TRAF7: variants seen among roughly 807,000 people sequenced by gnomAD.
TRAF7 encodes the protein E3 ubiquitin-protein ligase TRAF7.
Under a neutral mutation model 89.3 loss-of-function variants are expected in TRAF7, and 45 were observed. That is an observed-to-expected ratio of 0.50 (90% CI 0.40 to 0.65). The LOEUF (loss-of-function observed/expected upper bound fraction) is 0.65, where lower values mean the gene tolerates loss of function less well. TRAF7 is among the 30% of genes least tolerant of loss of function. The pLI is 0.00. For synonymous variants in TRAF7, 406 were observed against 369.2 expected, an observed-to-expected ratio of 1.10 and a Z score of -1.14; for missense variants, 677 against 918.1, an observed-to-expected ratio of 0.74 and a Z score of 3.39.
intron 2 of TRAF7, 138 bp downstream of exon 2, chr16:2,164,139 G>GGTGTGTGTGTGTGTGTCT: frequency 1.8e-6 from 1 of 542,298 alleles, no homozygotes; most frequent in Non-Finnish European, 3.2e-6. Context: ...GGGGGGGTGT[G>GGTGTGTGTGTGTGTGTCT]GTGTGTGTGT....
Position 2,172,485 on chromosome 16 carries a change from A to T in TRAF7, c.680A>T (p.Asp227Val). 1 of 1,609,302 alleles carries T rather than the reference A, an allele frequency of 6.2e-7. No individual in the cohort carries two copies. The highest frequency in any genetic ancestry group is 8.5e-7 in the Non-Finnish European group (1 of 1,178,756). The part of the protein sequence containing the change: ...SARKDHEGSC[D>V]YRPVRCPNNP... ...CACAGGGACCACGAGGGCAGCTGTG[A>T]CTACAGGCCTGTGCGGTGTCCCAAC... The change falls in exon 9 of 21, where the codon GAC becomes GTC. Residue 227 changes from aspartate (D) to valine (V), a missense_variant. Physicochemically the swap from Asp to Val is radical, Grantham distance 152. Coordinates refer to ENST00000326181, the MANE Select transcript of TRAF7 (RefSeq NM_032271.3).
At position 2,163,685 on chromosome 16, in the gene TRAF7, C is replaced by A; in HGVS notation, c.-38-198C>A. Reference sequence around the variant, plus strand: ...CGGTGACGCAGAGCCGCCTGCCTGCCCGGGCCTCTGCATACCTGGGATCGG... The same window carrying A: ...CGGTGACGCAGAGCCGCCTGCCTGCACGGGCCTCTGCATACCTGGGATCGG... On this transcript the variant is annotated intron_variant, in intron 1 of 20. Coordinates refer to ENST00000326181, the MANE Select transcript of TRAF7 (RefSeq NM_032271.3). This position sits in a 1 kb window ranked among gnomAD's most constrained non-coding sequence, Gnocchi z 4.3. 1.7e-6 allele frequency: 1 copy of A among 572,032 alleles called. No individual in the cohort carries two copies. Among genetic ancestry groups the A allele is most frequent in the Non-Finnish European group, 3.1e-6 (1 of 318,996 alleles). 35.4% of individuals were successfully genotyped at this position (572,032 alleles called of 1,614,324 possible). A position where few individuals can be genotyped will look rare whatever the true frequency, so the allele number is the denominator to read the frequency against.
At position 2,161,021 on chromosome 16, in the gene TRAF7, C is replaced by A. The variant is rs1057052268; in HGVS notation, c.-38-2862C>A. Reference sequence around the variant, plus strand: ...AGGCCTCGGGCATCTTGCTCAATTCCGAGGTGCGGGGATGGATCCTGCCTT... The same window carrying A: ...AGGCCTCGGGCATCTTGCTCAATTCAGAGGTGCGGGGATGGATCCTGCCTT... On this transcript the variant is annotated intron_variant, in intron 1 of 20. Transcript: ENST00000326181. The surrounding 1 kb of genome is among the most constrained non-coding windows in gnomAD (Gnocchi z 5.2). Among the ~76,000 whole-genome samples, 1 of 152,064 alleles carries A rather than the reference C, an allele frequency of 6.6e-6. No homozygotes were observed. Among genetic ancestry groups the A allele is most frequent in the Non-Finnish European group, 1.5e-5 (1 of 67,974 alleles).
At chr16:2,167,907 G>T (rs1159729526) in intron 3 of TRAF7, among the ~76,000 whole-genome samples, 170 bp from the exon 4 acceptor site, 1 of 152,002 alleles carries the variant, frequency 6.6e-6, no homozygotes, top group East Asian at 1.9e-4. Context: ...ACCTTGAGAG[G>T]GAACCCAAGC....
intron 10 of TRAF7, 23 bp from the exon 11 acceptor site, chr16:2,173,458 C>A (rs1240680406): frequency 2.5e-6 from 4 of 1,612,924 alleles, no homozygotes; most frequent in African/African-American, 1.3e-5. Flanking sequence ...ACCAGTGACA[C>A]CCCCTCTCCT....
chr16:2,165,538 G>C lies in TRAF7; in HGVS notation c.82-341G>C, dbSNP rs1596672011. On this transcript the variant is annotated intron_variant, in intron 2 of 20. Transcript: ENST00000326181. ...AAACGTGTGAGTGCTGCGTGGCCTG[G>C]CCTGGTCGCATGGTTTAGCGTGTTA... Among the ~76,000 whole-genome samples the C allele has an allele frequency of 6.9e-5, 9 of 131,014 alleles. 1 individual carries two copies. The South Asian group carries it at 2.2e-3, about 32-fold the overall frequency. The allele number at this position is 131,014 out of a possible 152,430, so 86.0% of individuals were successfully genotyped here.
In TRAF7 at chr16:2,172,761, G is replaced by C. The variant is rs988475253; in HGVS notation, c.794+162G>C. Among the ~76,000 whole-genome samples, 29 of 152,196 alleles carry C rather than the reference G, an allele frequency of 1.9e-4. 1 individual carries two copies. Among genetic ancestry groups the C allele is most frequent in the Non-Finnish European group, 7.4e-5 (5 of 68,022 alleles). ...GCCCAAGGCCCTGGAAACCCAGAGG[G>C]GGAGCCGAGGGCGTCCAGGAAGGCG... On this transcript the variant is annotated intron_variant, in intron 9 of 20. Coordinates refer to ENST00000326181, the MANE Select transcript of TRAF7 (RefSeq NM_032271.3).
chr16:2,160,205 G>A (rs754820908), intron 1 of TRAF7, among the ~76,000 whole-genome samples: 10 of 152,058 alleles, frequency 6.6e-5, no homozygotes, highest in Non-Finnish European at 1.0e-4. Context: ...AGATTCAGGC[G>A]AGGTCAGGGA....
In TRAF7 at chr16:2,162,119, G is replaced by A. The variant is rs534545680; in HGVS notation, c.-38-1764G>A. 1.3e-5 allele frequency among the ~76,000 whole-genome samples: 2 copies of A among 152,374 alleles called. No homozygotes were observed. The highest frequency in any genetic ancestry group is 2.4e-5 in the African/African-American group (1 of 41,596). On this transcript the variant is annotated intron_variant, in intron 1 of 20. Transcript: ENST00000326181. This position sits in a 1 kb window ranked among gnomAD's most constrained non-coding sequence, Gnocchi z 5.0. Reference sequence around the variant, plus strand: ...AAGATCAGGTGGGGCCAGGTAGCTCGTGGCGCTGCCAACTGCAGGGGCTGA... The same window carrying A: ...AAGATCAGGTGGGGCCAGGTAGCTCATGGCGCTGCCAACTGCAGGGGCTGA...
chr16:2,168,214 C>A lies in TRAF7; in HGVS notation c.231+46C>A, dbSNP rs774357856. The A allele has an allele frequency of 4.6e-6, 7 of 1,519,250 alleles. No individual in the cohort carries two copies. In the South Asian group the frequency reaches 4.7e-5, roughly 10 times the overall value. The allele number at this position is 1,519,250 out of a possible 1,614,324, so 94.1% of individuals were successfully genotyped here. ...GCCCGTGTGAGCCTCAGCCTCCCCC[C>A]ATCCTCCCTCCTGGGGGAACCAGGT... is the stretch of plus-strand genomic sequence containing the variant. On this transcript the variant is annotated intron_variant, in intron 4 of 20. Transcript: ENST00000326181. This position sits in a 1 kb window ranked among gnomAD's most constrained non-coding sequence, Gnocchi z 4.1.
At position 2,159,084 on chromosome 16, in the gene TRAF7, C is replaced by T. The variant is rs2093047483; in HGVS notation, c.-39+3226C>T. Among the ~76,000 whole-genome samples the T allele has an allele frequency of 6.6e-6, 1 of 152,210 alleles. No homozygotes were observed. The highest frequency in any genetic ancestry group is 1.5e-5 in the Non-Finnish European group (1 of 68,044). ...AAGGGGTCGGAGGGGCAGCAAAAGG[C>T]ATCCTTACTGTGAAGTTGGGGTAAA... On this transcript the variant is annotated intron_variant, in intron 1 of 20. Coordinates refer to ENST00000326181, the MANE Select transcript of TRAF7 (RefSeq NM_032271.3). The surrounding 1 kb of genome is among the most constrained non-coding windows in gnomAD (Gnocchi z 6.5).
In TRAF7 at chr16:2,168,227, G is replaced by A. The variant is rs1005798816; in HGVS notation, c.231+59G>A. ...TCAGCCTCCCCCCATCCTCCCTCCTGGGGGAACCAGGTCCCAGGAGGAGTT... is the reference window on the plus strand; with the variant it reads ...TCAGCCTCCCCCCATCCTCCCTCCTAGGGGAACCAGGTCCCAGGAGGAGTT... On this transcript the variant is annotated intron_variant, in intron 4 of 20. Transcript: ENST00000326181. This position sits in a 1 kb window ranked among gnomAD's most constrained non-coding sequence, Gnocchi z 4.1. The A allele has an allele frequency of 6.9e-7, 1 of 1,446,246 alleles. No individual in the cohort carries two copies. Among genetic ancestry groups the A allele is most frequent in the Non-Finnish European group, 9.5e-7 (1 of 1,058,006 alleles). The allele number at this position is 1,446,246 out of a possible 1,614,324, so 89.6% of individuals were successfully genotyped here. A position where few individuals can be genotyped will look rare whatever the true frequency, so the allele number is the denominator to read the frequency against.
At chr16:2,175,190 A>G (rs2093130435) in intron 15 of TRAF7, 40 bp downstream of exon 15, 1 of 1,612,906 alleles carries the variant, frequency 6.2e-7, no homozygotes, top group East Asian at 2.2e-5. Context: ...GAGGCGGCCC[A>G]GGCCCGCCCC....
Position 2,176,715 on chromosome 16 carries a change from C to T in TRAF7, c.*141C>T, listed in dbSNP as rs528319548. 8.0e-7 allele frequency: 1 copy of T among 1,253,688 alleles called. No individual in the cohort carries two copies. Among genetic ancestry groups the T allele is most frequent in the Non-Finnish European group, 1.1e-6 (1 of 878,338 alleles). The allele number at this position is 1,253,688 out of a possible 1,614,324, so 77.7% of individuals were successfully genotyped here. On this transcript the variant is annotated 3_prime_UTR_variant, in exon 21 of 21. Transcript: ENST00000326181. ...GGCTCTGGCAGCCGGGCAGTGCCCT[C>T]CCCGTCCCATGCTCGGCGAGCCTCC...
At chr16:2,165,843 CG>C (rs2141276074) in intron 2 of TRAF7, 35 bp from the exon 3 acceptor site, 1 of 1,613,472 alleles carries the variant, frequency 6.2e-7, no homozygotes, top group East Asian at 2.2e-5. Context: ...CCTTGTGTCC[CG>C]GAATGAGGCC....
At chr16:2,167,171 G>A (rs931606976) in intron 3 of TRAF7, among the ~76,000 whole-genome samples, 22 of 152,006 alleles carry the variant, frequency 1.4e-4, no homozygotes, top group Non-Finnish European at 3.2e-4. Context: ...GTCACACGGC[G>A]GAAGGTACCC....
chr16:2,165,668 C>G (rs560001588), intron 2 of TRAF7, among the ~76,000 whole-genome samples: 2 of 148,898 alleles, frequency 1.3e-5, no homozygotes, highest in Non-Finnish European at 3.0e-5. Flanking sequence ...CTGGCCTGGT[C>G]GCATGGTTAA....
chr16:2,169,372 C>T (rs2093099191), intron 4 of TRAF7, among the ~76,000 whole-genome samples: 1 of 152,160 alleles, frequency 6.6e-6, no homozygotes, highest in Non-Finnish European at 1.5e-5. Flanking sequence ...GTCTGGGCCC[C>T]GTCCCCTGGG....
chr16:2,177,016 T>C lies in TRAF7; in HGVS notation c.*442T>C. ...GTTGGTGTGCACAGGCACTGGCTGC[T>C]GTGAGTGGGGGGGCATGGGGCAGTT... On this transcript the variant is annotated 3_prime_UTR_variant, in exon 21 of 21. Transcript: ENST00000326181. 3.0e-6 allele frequency: 1 copy of C among 338,856 alleles called. No homozygotes were observed. The highest frequency in any genetic ancestry group is 5.6e-6 in the Non-Finnish European group (1 of 180,020). The allele number at this position is 338,856 out of a possible 1,614,324, so 21.0% of individuals were successfully genotyped here.
Sources: gnomAD v4.1 joint callset for allele counts (sites outside exome capture counted in the v4.1 genomes callset) on GRCh38, gnomAD v4.1.1 for gene constraint, Gnocchi (gnomAD v3.1) non-coding constraint, MANE v1.5 for transcripts, NCBI Gene and HGNC (gene_info 2026-07-23, HGNC 2026-07-21) for gene names.